NALCN: variants seen among roughly 807,000 people sequenced by gnomAD.
The protein encoded by NALCN is sodium leak channel NALCN.
A neutral mutation model predicts 225.3 loss-of-function variants in NALCN; 111 were observed. The observed-to-expected ratio is 0.49, with a 90% CI of 0.42 to 0.58. The LOEUF (loss-of-function observed/expected upper bound fraction) is 0.58, where lower values mean the gene tolerates loss of function less well. Ranked by LOEUF, NALCN falls within the 20% of genes least tolerant of loss-of-function variation. The pLI, the probability that NALCN is intolerant of heterozygous loss-of-function variation, is 0.00. For missense variants in NALCN, 1,378 were observed against 2,202.4 expected (o/e 0.63, Z 7.49); for synonymous variants, 764 against 769.0 (o/e 0.99, Z 0.11).
chr13:101,080,777 A>AT (rs1336532689), intron 34 of NALCN, among the ~76,000 whole-genome samples: 9 of 147,702 alleles, frequency 6.1e-5, no homozygotes, highest in Non-Finnish European at 1.5e-5. Context: ...TATTTATTTA[A>AT]TAATTATTAA....
At chr13:101,367,930 G>C (rs2046422321) in intron 6 of NALCN, among the ~76,000 whole-genome samples, 1 of 151,526 alleles carries the variant, frequency 6.6e-6, no homozygotes, top group Non-Finnish European at 1.5e-5. Flanking sequence ...TCCCTATGAT[G>C]CTCCTTTCAC....
intron 17 of NALCN, among the ~76,000 whole-genome samples, chr13:101,130,809 G>A (rs1046066870): frequency 2.6e-5 from 4 of 152,158 alleles, no homozygotes; most frequent in African/African-American, 9.6e-5. Context: ...TTTGTCTGGT[G>A]TATGTATTGT....
chr13:101,265,551 C>A (rs915043937), intron 10 of NALCN, among the ~76,000 whole-genome samples: 1 of 152,168 alleles, frequency 6.6e-6, no homozygotes, highest in Non-Finnish European at 1.5e-5. Flanking sequence ...GGGCTTCTCA[C>A]GCAATTAAAA....
At chr13:101,371,699 A>C (rs1033082570) in intron 6 of NALCN, among the ~76,000 whole-genome samples, 3 of 152,190 alleles carry the variant, frequency 2.0e-5, no homozygotes, top group African/African-American at 7.2e-5. Flanking sequence ...CACTTCACCT[A>C]TTTAAAAAAC....
At chr13:101,410,903 C>T (rs574133564) in intron 1 of NALCN, among the ~76,000 whole-genome samples, 2 of 152,308 alleles carry the variant, frequency 1.3e-5, no homozygotes, top group South Asian at 2.1e-4. Context: ...ATCACTAAGA[C>T]GTGGTAGCAT....
intron 13 of NALCN, among the ~76,000 whole-genome samples, chr13:101,223,976 C>A (rs2041042398): frequency 6.6e-6 from 1 of 152,122 alleles, no homozygotes. Context: ...AGATCCCAGT[C>A]CTAGCCCCAA....
At chr13:101,117,045 T>C (rs368342171) in intron 18 of NALCN, 39 of 477,824 alleles carry the variant, frequency 8.2e-5, no homozygotes, top group African/African-American at 7.4e-4. Context: ...TCCTAGTGGA[T>C]ACCCCACTCC....
intron 12 of NALCN, among the ~76,000 whole-genome samples, chr13:101,230,962 T>C (rs891202820): frequency 1.3e-5 from 2 of 152,206 alleles, no homozygotes; most frequent in Non-Finnish European, 2.9e-5. Context: ...TAGCTATGTT[T>C]AGATATACAA....
chr13:101,261,548 A>G (rs1399997806), intron 10 of NALCN, among the ~76,000 whole-genome samples: 11 of 152,072 alleles, frequency 7.2e-5, no homozygotes. Context: ...GATAGTGTTC[A>G]TTATGGAGAT....
intron 13 of NALCN, among the ~76,000 whole-genome samples, chr13:101,215,231 A>G (rs758741229): frequency 3.3e-5 from 5 of 152,300 alleles, no homozygotes; most frequent in Middle Eastern, 3.4e-3. Flanking sequence ...TGTTTATTCT[A>G]AGACCCAGCA....
chr13:101,263,126 T>C (rs2042484197), intron 10 of NALCN, among the ~76,000 whole-genome samples: 1 of 152,214 alleles, frequency 6.6e-6, no homozygotes, highest in African/African-American at 2.4e-5. Flanking sequence ...ATTTGAGACA[T>C]GCCAGTGACA....
intron 13 of NALCN, among the ~76,000 whole-genome samples, chr13:101,203,627 C>G (rs555574375): frequency 4.6e-5 from 7 of 152,204 alleles, no homozygotes; most frequent in African/African-American, 1.7e-4. Flanking sequence ...TAAGGAATTT[C>G]TTTTAGATAC....
chr13:101,409,598 A>G (rs2047721550), intron 1 of NALCN, among the ~76,000 whole-genome samples: 2 of 152,206 alleles, frequency 1.3e-5, no homozygotes, highest in African/African-American at 4.8e-5. Flanking sequence ...GAAAGGGGAT[A>G]CTTATTTTGA....
chr13:101,167,836 C>A (rs1435957590), intron 15 of NALCN, among the ~76,000 whole-genome samples: 101 of 120,434 alleles, frequency 8.4e-4, no homozygotes, highest in East Asian at 4.3e-3. Context: ...GAGACTCTGT[C>A]AAAAAAAAAC....
chr13:101,095,952 A>C (rs1422076615), intron 27 of NALCN, among the ~76,000 whole-genome samples: 1 of 152,158 alleles, frequency 6.6e-6, no homozygotes, highest in African/African-American at 2.4e-5. Context: ...ACACGACAAG[A>C]TGCTCAGTAT....
intron 31 of NALCN, 21 bp from the exon 32 acceptor site, chr13:101,083,219 C>T: frequency 6.3e-7 from 1 of 1,597,586 alleles, no homozygotes; most frequent in Non-Finnish European, 8.6e-7. Flanking sequence ...AAGGTTTGGG[C>T]AAGGGCATTT....
intron 7 of NALCN, among the ~76,000 whole-genome samples, chr13:101,293,591 A>C (rs2043628177): frequency 6.6e-6 from 1 of 152,230 alleles, no homozygotes; most frequent in Non-Finnish European, 1.5e-5. Context: ...TAGAATGTGC[A>C]TATGACCAAG....
intron 1 of NALCN, among the ~76,000 whole-genome samples, chr13:101,403,768 G>A (rs1194408080): frequency 2.6e-5 from 4 of 152,186 alleles, no homozygotes; most frequent in Admixed American, 1.3e-4. Context: ...TTTATCAACC[G>A]CCCTATTGCA....
intron 15 of NALCN, among the ~76,000 whole-genome samples, chr13:101,166,694 T>C (rs1594348064): frequency 6.7e-6 from 1 of 148,828 alleles, no homozygotes; most frequent in South Asian, 2.1e-4. Flanking sequence ...GGCTTTTCAC[T>C]CTATTGATTG....
Sources: allele counts gnomAD v4.1 joint callset (sites outside exome capture counted in the v4.1 genomes callset), GRCh38; gene constraint gnomAD v4.1.1; transcripts MANE v1.5; gene names NCBI Gene and HGNC (gene_info 2026-07-23, HGNC 2026-07-21).